Variants in PCDHGA7 observed in about 807,000 individuals in gnomAD.
PCDHGA7 encodes the protein protocadherin gamma-A7.
A neutral mutation model predicts 58.3 loss-of-function variants in PCDHGA7; 44 were observed. That is an observed-to-expected ratio of 0.75 (90% confidence interval 0.59 to 0.97). The LOEUF is 0.97. Ranked by LOEUF, PCDHGA7 falls within the 50% of genes least tolerant of loss-of-function variation. PCDHGA7 has a pLI of 0.00. For missense variants in PCDHGA7, 1,266 were observed against 1,188.7 expected (o/e 1.06, Z -0.96); for synonymous variants, 516 against 504.2 (o/e 1.02, Z -0.31).
At chr5:141,414,948 G>A (rs957548133) in intron 1 of PCDHGA7, 20 of 1,614,084 alleles carry the variant, frequency 1.2e-5, no homozygotes, top group South Asian at 2.2e-5. Flanking sequence ...CCGGCTACCT[G>A]GTGACCAAGG....
chr5:141,404,592 C>T, intron 1 of PCDHGA7: 1 of 1,614,048 alleles, frequency 6.2e-7, no homozygotes, highest in African/African-American at 1.3e-5. Flanking sequence ...AGCAATGTGT[C>T]ATTGAGACTG....
At chr5:141,484,899 T>G (rs1296997337) in intron 1 of PCDHGA7, 9 of 398,498 alleles carry the variant, frequency 2.3e-5, no homozygotes, top group Non-Finnish European at 3.1e-5. Flanking sequence ...TCCCCTCCAA[T>G]GCTGCGACGC....
chr5:141,487,477 C>A lies in PCDHGA7; in HGVS notation c.2425-7330C>A, dbSNP rs748435479. On this transcript the variant is annotated intron_variant, in intron 1 of 3. Transcript: ENST00000518325. The surrounding 1 kb of genome is among the most constrained non-coding windows in gnomAD (Gnocchi z 5.0). ...TCAAGTTTGTTGATGTGGGAGGCCA[C>A]TCTCATGGCTGTACACCCTTGGCTT... 1 of 1,614,200 alleles carries A rather than the reference C, an allele frequency of 6.2e-7. No individual in the cohort carries two copies. The highest frequency in any genetic ancestry group is 1.7e-5 in the Admixed American group (1 of 60,030).
Position 141,384,659 on chromosome 5 carries a change from T to A in PCDHGA7, c.1760T>A (p.Leu587Gln), listed in dbSNP as rs375759581. ...LAPRSAEPGY[L>Q]VTKVVAVDKD... is the part of the protein sequence containing the mutation. ...CCCCGCTCCGCAGAGCCCGGCTACC[T>A]GGTGACCAAGGTGGTGGCGGTGGAC... is the stretch of plus-strand genomic sequence containing the variant. Residue 587 changes from leucine (L) to glutamine (Q), a missense_variant, in exon 1 of 4, where the codon CTG becomes CAG. By Grantham distance (113) the Leu-to-Gln change is moderately radical. Transcript: ENST00000518325. The A allele has an allele frequency of 3.1e-6, 5 of 1,614,076 alleles. No individual in the cohort carries two copies. In the African/African-American group the frequency reaches 6.7e-5, roughly 22 times the overall value.
chr5:141,482,016 C>T (rs2099550411), intron 1 of PCDHGA7, among the ~76,000 whole-genome samples: 1 of 148,596 alleles, frequency 6.7e-6, no homozygotes, highest in African/African-American at 2.5e-5. Context: ...TCTCAGGAAG[C>T]AGAGGTTGCA....
rs1415161617 is a variant in PCDHGA7 at position 141,382,931 on chromosome 5, G to A, written c.32G>A (p.Arg11Lys). 6.3e-7 allele frequency: 1 copy of A among 1,584,178 alleles called. No individual in the cohort carries two copies. Among genetic ancestry groups the A allele is most frequent in the Non-Finnish European group, 8.6e-7 (1 of 1,163,048 alleles). Residue 11 changes from arginine to lysine, a missense_variant, in exon 1 of 4, where the codon AGA (arginine) becomes AAA (lysine). Transcript: ENST00000518325. ...GCTCAGCCGAGGGGCGGGGACTACAGAGGATTCTTCCTGCTCTCCATCCTC... is the reference window on the plus strand; with the variant it reads ...GCTCAGCCGAGGGGCGGGGACTACAAAGGATTCTTCCTGCTCTCCATCCTC... MAAQPRGGDY[R>K]GFFLLSILLG...
chr5:141,388,256 G>T, intron 1 of PCDHGA7: 1 of 1,611,074 alleles, frequency 6.2e-7, no homozygotes, highest in Non-Finnish European at 8.5e-7. Flanking sequence ...TGGAGATCGA[G>T]GACATTAATG....
At chr5:141,415,386 A>G (rs1383734863) in intron 1 of PCDHGA7, 9 of 1,614,156 alleles carry the variant, frequency 5.6e-6, no homozygotes, top group Non-Finnish European at 7.6e-6. Flanking sequence ...GCGGCTTGAC[A>G]GGTGTGTCCG....
In PCDHGA7 at chr5:141,489,365, G is replaced by A. The variant is rs774363104; in HGVS notation, c.2425-5442G>A. ...TCAGTGGTGGAGGAGTCTGAGCCGG[G>A]GACGCTGGTGGGGAATGTTGCTCAG... On this transcript the variant is annotated intron_variant, in intron 1 of 3. Transcript: ENST00000518325. The surrounding 1 kb of genome is among the most constrained non-coding windows in gnomAD (Gnocchi z 4.5). The A allele has an allele frequency of 6.2e-7, 1 of 1,613,512 alleles. No individual in the cohort carries two copies.
At chr5:141,421,613 A>G in intron 1 of PCDHGA7, 2 of 1,613,838 alleles carry the variant, frequency 1.2e-6, no homozygotes, top group South Asian at 2.2e-5. Flanking sequence ...GATATTAATG[A>G]TAACGCCCCC....
At chr5:141,403,743 C>A (rs1165597254) in intron 1 of PCDHGA7, 1 of 1,613,856 alleles carries the variant, frequency 6.2e-7, no homozygotes, top group Non-Finnish European at 8.5e-7. Context: ...CTGCTTACTG[C>A]AACAGCCAGC....
intron 1 of PCDHGA7, chr5:141,399,270 A>G (rs1318152877): frequency 1.2e-6 from 2 of 1,613,854 alleles, no homozygotes; most frequent in African/African-American, 1.3e-5. Flanking sequence ...TTAATTGTCA[A>G]TTACAAGGCG....
chr5:141,477,344 A>C lies in PCDHGA7; in HGVS notation c.2425-17463A>C. On this transcript the variant is annotated intron_variant, in intron 1 of 3. Coordinates refer to ENST00000518325, the MANE Select transcript of PCDHGA7 (RefSeq NM_018920.4). The surrounding 1 kb of genome is among the most constrained non-coding windows in gnomAD (Gnocchi z 4.9). Reference sequence around the variant, plus strand: ...TTCCCTCAAGAATTACTTCACTTTGAAAACCAGTGCAGACCTGGATCGGGA... The same window carrying C: ...TTCCCTCAAGAATTACTTCACTTTGCAAACCAGTGCAGACCTGGATCGGGA... 6.2e-7 allele frequency: 1 copy of C among 1,614,154 alleles called. No homozygotes were observed. The highest frequency in any genetic ancestry group is 8.5e-7 in the Non-Finnish European group (1 of 1,180,034).
Position 141,431,581 on chromosome 5 carries a change from T to A in PCDHGA7, c.2424+46258T>A, listed in dbSNP as rs749863807. Reference sequence around the variant, plus strand: ...CTACCGACCCTGACGAAGGAGTCAATGCGGAAGTGAGGTATTCCTTCCGGT... The same window carrying A: ...CTACCGACCCTGACGAAGGAGTCAAAGCGGAAGTGAGGTATTCCTTCCGGT... On this transcript the variant is annotated intron_variant, in intron 1 of 3. Coordinates refer to ENST00000518325, the MANE Select transcript of PCDHGA7 (RefSeq NM_018920.4). This position sits in a 1 kb window ranked among gnomAD's most constrained non-coding sequence, Gnocchi z 4.8. 3.1e-6 allele frequency: 5 copies of A among 1,614,160 alleles called. No individual in the cohort carries two copies. In the South Asian group the frequency reaches 5.5e-5, roughly 18 times the overall value.
At chr5:141,508,535 C>CA (rs1426956469) in intron 3 of PCDHGA7, among the ~76,000 whole-genome samples, 1 of 152,172 alleles carries the variant, frequency 6.6e-6, no homozygotes, top group Admixed American at 6.5e-5. Flanking sequence ...GGGCACCCCC[C>CA]ACGAGGTGGG....
In PCDHGA7 at chr5:141,431,482, G is replaced by C. The variant is rs781371030; in HGVS notation, c.2424+46159G>C. ...TGGATGCGAACGACAACGCACCAGCGTTTGCTCAGCCCGAGTACCGCGCGA... is the reference window on the plus strand; with the variant it reads ...TGGATGCGAACGACAACGCACCAGCCTTTGCTCAGCCCGAGTACCGCGCGA... On this transcript the variant is annotated intron_variant, in intron 1 of 3. Coordinates refer to ENST00000518325, the MANE Select transcript of PCDHGA7 (RefSeq NM_018920.4). The surrounding 1 kb of genome is among the most constrained non-coding windows in gnomAD (Gnocchi z 4.8). The C allele has an allele frequency of 6.8e-6, 11 of 1,613,800 alleles. No individual in the cohort carries two copies. The Admixed American group carries it at 1.3e-4, about 20-fold the overall frequency.
intron 1 of PCDHGA7, chr5:141,399,483 C>G (rs753137844): frequency 6.2e-7 from 1 of 1,613,930 alleles, no homozygotes; most frequent in African/African-American, 1.3e-5. Context: ...ACCAGGCGTC[C>G]TACTTAGTCA....
intron 1 of PCDHGA7, chr5:141,440,709 A>C (rs1351127132): frequency 1.3e-5 from 2 of 152,216 alleles, no homozygotes; most frequent in Non-Finnish European, 2.9e-5. Context: ...GTGGAAAGAC[A>C]TATGTTGATC....
chr5:141,492,224 T>C (rs2099738444), intron 1 of PCDHGA7, among the ~76,000 whole-genome samples: 1 of 152,134 alleles, frequency 6.6e-6, no homozygotes, highest in South Asian at 2.1e-4. Flanking sequence ...CTCATGCGTG[T>C]CCTCCCTGCT....
Sources: gnomAD v4.1 joint callset for allele counts (sites outside exome capture counted in the v4.1 genomes callset) on GRCh38, gnomAD v4.1.1 for gene constraint, Gnocchi (gnomAD v3.1) non-coding constraint, MANE v1.5 for transcripts, NCBI Gene and HGNC (gene_info 2026-07-23, HGNC 2026-07-21) for gene names.